Variants in REST observed in about 807,000 individuals in gnomAD.
REST encodes RE1-silencing transcription factor.
A neutral mutation model predicts 30.4 loss-of-function variants in REST; 1 was observed. That is an observed-to-expected ratio of 0.03 (90% CI 0.01 to 0.16). The LOEUF (loss-of-function observed/expected upper bound fraction) is 0.16. Ranked by LOEUF, REST falls within the 10% of genes least tolerant of loss-of-function variation. The pLI is 1.00. For missense variants in REST, 1,259 were observed against 1,329.5 expected (o/e 0.95, Z 0.82); for synonymous variants, 504 against 451.1 (o/e 1.12, Z -1.49).
rs1578517169 is a variant in REST, at chr4:56,931,805, G to A, written c.2947G>A (p.Glu983Lys). The change falls in exon 4 of 4, where the codon GAA becomes AAA. Residue 983 changes from glutamate to lysine, a missense_variant. Coordinates refer to ENST00000309042, the MANE Select transcript of REST (RefSeq NM_005612.5). ...TCCCCCTTCAGCAGTAGAAGAACGT[G>A]AAGCAGTGTCCAAAACTGCACTGGC... ...MLPPSAVEER[E>K]AVSKTALASP... is the part of the protein sequence containing the mutation. 2 of 1,614,230 alleles carry A rather than the reference G, an allele frequency of 1.2e-6. No individual in the cohort carries two copies. Among genetic ancestry groups the A allele is most frequent in the South Asian group, 2.2e-5 (2 of 91,092 alleles).
chr4:56,911,641 G>T, intron 2 of REST, 105 bp downstream of exon 2: 4 of 945,774 alleles, frequency 4.2e-6, no homozygotes, highest in Non-Finnish European at 6.4e-6. Flanking sequence ...TCAAATCCAG[G>T]TTCCATTTTG....
intron 2 of REST, among the ~76,000 whole-genome samples, chr4:56,913,484 A>G (rs1008962434): frequency 6.6e-6 from 1 of 152,186 alleles, no homozygotes; most frequent in Admixed American, 6.6e-5. Flanking sequence ...AGAATAATCC[A>G]GTACTCTACT....
chr4:56,918,461 C>G (rs761597517), intron 2 of REST, among the ~76,000 whole-genome samples: 2 of 152,086 alleles, frequency 1.3e-5, no homozygotes, highest in Non-Finnish European at 2.9e-5. Flanking sequence ...CCACCACACT[C>G]CAGTCTGGGC....
intron 3 of REST, among the ~76,000 whole-genome samples, chr4:56,921,948 G>A (rs920774048): frequency 6.6e-6 from 1 of 152,130 alleles, no homozygotes; most frequent in African/African-American, 2.4e-5. Context: ...GGACATTGCT[G>A]CCATGAGTTA....
In REST at chr4:56,930,962, G is replaced by T; in HGVS notation, c.2104G>T (p.Gly702Trp). The T allele has an allele frequency of 5.6e-6, 9 of 1,613,952 alleles. No individual in the cohort carries two copies. The highest frequency in any genetic ancestry group is 7.6e-6 in the Non-Finnish European group (9 of 1,179,848). The change falls in exon 4 of 4, where the codon GGG becomes TGG. Residue 702 changes from glycine to tryptophan, a missense_variant. Gly to Trp is a radical substitution (Grantham distance 184). This residue lies in a region of REST where 856 missense variants were observed against 772.8 expected (regional missense o/e 1.11). Transcript: ENST00000309042. ...ETAQTEVAQM[G>W]PAPMEPAQME... ...TGCTCAGACGGAGGTTGCCCAAATGGGGCCTGCTCCCATGGAACCTGCTCA... is the reference window on the plus strand; with the variant it reads ...TGCTCAGACGGAGGTTGCCCAAATGTGGCCTGCTCCCATGGAACCTGCTCA...
chr4:56,934,462 T>G lies in REST; in HGVS notation c.*2310T>G, dbSNP rs565094052. ...GAAGGAAATTAAAACCCCTTATTATTAAATTGATTTGTAAAAACATTGTTA... is the reference window on the plus strand; with the variant it reads ...GAAGGAAATTAAAACCCCTTATTATGAAATTGATTTGTAAAAACATTGTTA... On this transcript the variant is annotated 3_prime_UTR_variant, in exon 4 of 4. Transcript: ENST00000309042. 1 of 152,318 alleles carries G rather than the reference T, an allele frequency of 6.6e-6. No homozygotes were observed. Among genetic ancestry groups the G allele is most frequent in the East Asian group, 1.9e-4 (1 of 5,186 alleles). The allele number at this position is 152,318 out of a possible 1,614,324, so 9.4% of individuals were successfully genotyped here.
At chr4:56,915,668 T>G (rs1308058536) in intron 2 of REST, among the ~76,000 whole-genome samples, 3 of 152,216 alleles carry the variant, frequency 2.0e-5, no homozygotes, top group African/African-American at 7.2e-5. Flanking sequence ...GAAAATAAAC[T>G]CATCTGGTGC....
chr4:56,931,700 A>G lies in REST; in HGVS notation c.2842A>G (p.Lys948Glu). The stretch of plus-strand genomic sequence containing the variant: ...GACTGACAGTATAGTTTGTGAAATG[A>G]AAATGGACACTGATCAGAACACAAG... ...HQTDSIVCEMKMDTDQNTREN... is the reference protein window; with the variant it reads ...HQTDSIVCEMEMDTDQNTREN... The change falls in exon 4 of 4, where the codon AAA becomes GAA. Residue 948 changes from lysine (K) to glutamate (E), a missense_variant. By Grantham distance (56) the Lys-to-Glu change is moderately conservative. This residue lies in a region of REST where 856 missense variants were observed against 772.8 expected (regional missense o/e 1.11). Coordinates refer to ENST00000309042, the MANE Select transcript of REST (RefSeq NM_005612.5). 6.2e-7 allele frequency: 1 copy of G among 1,614,262 alleles called. No individual in the cohort carries two copies.
chr4:56,908,945 C>T (rs1241016759), intron 1 of REST: 1 of 151,528 alleles, frequency 6.6e-6, no homozygotes, highest in African/African-American at 2.4e-5. Flanking sequence ...CGCGAGGGCG[C>T]CCGCGGAGCC....
rs1720893357 is a variant in REST, at chr4:56,930,112, A to G, written c.1254A>G (p.Lys418=). The change falls in exon 4 of 4, where the codon AAA becomes AAG. Residue 418 remains lysine, a synonymous_variant. Coordinates refer to ENST00000309042, the MANE Select transcript of REST (RefSeq NM_005612.5). ...FKSKHPTCPN[K]TMDVSKVKLK... is the part of the protein sequence containing the mutation. ...CTAAGCATCCTACTTGTCCTAATAA[A>G]ACAATGGATGTCTCAAAAGTGAAAC... 6.2e-7 allele frequency: 1 copy of G among 1,613,742 alleles called. No individual in the cohort carries two copies. Among genetic ancestry groups the G allele is most frequent in the Non-Finnish European group, 8.5e-7 (1 of 1,179,998 alleles).
chr4:56,932,007 C>T lies in REST; in HGVS notation c.3149C>T (p.Ala1050Val), dbSNP rs762032850. 13 of 1,614,176 alleles carry T rather than the reference C, an allele frequency of 8.1e-6. No individual in the cohort carries two copies. Among genetic ancestry groups the T allele is most frequent in the Non-Finnish European group, 1.1e-5 (13 of 1,180,044 alleles). Residue 1050 changes from alanine (A) to valine (V), a missense_variant, in exon 4 of 4, where the codon GCC (alanine) becomes GTC (valine). Coordinates refer to ENST00000309042, the MANE Select transcript of REST (RefSeq NM_005612.5). ...QESSRKNAKE[A>V]LAVKAAKGDF... ...TCTAGCAGAAAAAATGCAAAGGAAG[C>T]CTTGGCAGTCAAAGCGGCTAAGGGA...
chr4:56,917,297 T>C (rs1467485051), intron 2 of REST, among the ~76,000 whole-genome samples: 1 of 152,186 alleles, frequency 6.6e-6, no homozygotes, highest in African/African-American at 2.4e-5. Context: ...AGGAACACAT[T>C]TCCCATCTAT....
chr4:56,921,325 G>A (rs1266000998), intron 3 of REST, among the ~76,000 whole-genome samples: 2 of 152,122 alleles, frequency 1.3e-5, no homozygotes. Flanking sequence ...AGCCACATGT[G>A]GCTATTAAGC....
chr4:56,911,241 T>G lies in REST; in HGVS notation c.603T>G (p.Ser201=), dbSNP rs1719891987. The G allele has an allele frequency of 5.0e-6, 8 of 1,614,062 alleles. No individual in the cohort carries two copies. Among genetic ancestry groups the G allele is most frequent in the Non-Finnish European group, 6.8e-6 (8 of 1,180,036 alleles). The change falls in exon 2 of 4, where the codon TCT becomes TCG. Residue 201 remains serine (S), a synonymous_variant. Coordinates refer to ENST00000309042, the MANE Select transcript of REST (RefSeq NM_005612.5). ...SAEKQAKARE[S]GSSTAEEGDF... ...AGAAGCAGGCAAAAGCCAGGGAATCTGGCTCTTCCACTGCAGAAGAGGGAG... is the reference window on the plus strand; with the variant it reads ...AGAAGCAGGCAAAAGCCAGGGAATCGGGCTCTTCCACTGCAGAAGAGGGAG...
Position 56,935,207 on chromosome 4 carries a change from A to G in REST, c.*3055A>G, listed in dbSNP as rs1361207102. 6.6e-6 allele frequency: 1 copy of G among 152,188 alleles called. No homozygotes were observed. The highest frequency in any genetic ancestry group is 6.6e-5 in the Admixed American group (1 of 15,260). The allele number at this position is 152,188 out of a possible 1,614,324, so 9.4% of individuals were successfully genotyped here. On this transcript the variant is annotated 3_prime_UTR_variant, in exon 4 of 4. Coordinates refer to ENST00000309042, the MANE Select transcript of REST (RefSeq NM_005612.5). ...GCATGTCACCCTATGAATGTTGACA[A>G]TGGAAGGAATACCTTGCCTGTAGTA... is the stretch of plus-strand genomic sequence containing the variant.
intron 2 of REST, among the ~76,000 whole-genome samples, chr4:56,918,330 C>CAA (rs111891686): frequency 1.5e-5 from 2 of 137,348 alleles, no homozygotes; most frequent in African/African-American, 5.3e-5. Context: ...GGTCTCTACC[C>CAA]AAAAAAAAAA....
chr4:56,910,391 A>C (rs1389470257), intron 1 of REST, among the ~76,000 whole-genome samples: 1 of 152,252 alleles, frequency 6.6e-6, no homozygotes, highest in African/African-American at 2.4e-5. Context: ...TGAGTTGTGC[A>C]AACAATTGGT....
rs1721018152 is a variant in REST at position 56,932,674 on chromosome 4, C to T, written c.*522C>T. ...AGTCTATCAGTCCAAGTATTTACTT[C>T]CTGAGTTTTGATCAATATTTTTTAT... is the stretch of plus-strand genomic sequence containing the variant. On this transcript the variant is annotated 3_prime_UTR_variant, in exon 4 of 4. Transcript: ENST00000309042. 1 of 152,152 alleles carries T rather than the reference C, an allele frequency of 6.6e-6. No homozygotes were observed. The highest frequency in any genetic ancestry group is 2.1e-4 in the South Asian group (1 of 4,824). 9.4% of individuals were successfully genotyped at this position (152,152 alleles called of 1,614,324 possible).
At position 56,923,645 on chromosome 4, in the gene REST, C is replaced by A. The variant is rs373553378; in HGVS notation, c.982+3775C>A. On this transcript the variant is annotated intron_variant, in intron 3 of 3. Transcript: ENST00000309042. ...TTTTTAGTAGAGGTGTTGATCCACC[C>A]ACCTCAGCCTCCCAAAGTGCTGGAA... Among the ~76,000 whole-genome samples, 16 of 152,024 alleles carry A rather than the reference C, an allele frequency of 1.1e-4. 1 individual carries two copies. Among genetic ancestry groups the A allele is most frequent in the African/African-American group, 3.6e-4 (15 of 41,416 alleles).
Sources: gnomAD v4.1 joint callset for allele counts (sites outside exome capture counted in the v4.1 genomes callset) on GRCh38, gnomAD v4.1.1 for gene constraint, gnomAD v4.1.1 regional missense constraint, MANE v1.5 for transcripts, NCBI Gene and HGNC (gene_info 2026-07-23, HGNC 2026-07-21) for gene names.